The following PLXNA2 variants were observed in gnomAD, a reference collection of about 807,000 sequenced individuals.
The protein encoded by PLXNA2 is plexin-A2.
In PLXNA2, 91 loss-of-function variants were observed where a neutral mutation model predicts 193.5. That is an observed-to-expected ratio of 0.47 (90% confidence interval 0.40 to 0.56). The LOEUF is 0.56. Among genes scored for constraint, PLXNA2 ranks in the 20% least tolerant of loss-of-function variants. The pLI is 0.00. For missense variants in PLXNA2, 1,995 were observed against 2,503.2 expected, an observed-to-expected ratio of 0.80 and a Z score of 4.33; for synonymous variants, 997 against 1,027.3, an observed-to-expected ratio of 0.97 and a Z score of 0.56.
At position 208,240,356 on chromosome 1, in the gene PLXNA2, G is replaced by A. The variant is rs116525379; in HGVS notation, c.-81+3287C>T. Among the ~76,000 whole-genome samples, 537 of 152,322 alleles carry A rather than the reference G, an allele frequency of 3.5e-3. 2 individuals carry two copies. The highest frequency in any genetic ancestry group is 0.012 in the African/African-American group (512 of 41,562). On this transcript the variant is annotated intron_variant, in intron 1 of 31. Coordinates refer to ENST00000367033, the MANE Select transcript of PLXNA2 (RefSeq NM_025179.4). ...CCTCCCTCGTGCCTTGAGACCAGCTGTTTGACCCTGGGAAGAACTGCCTTT... is the reference window on the plus strand; with the variant it reads ...CCTCCCTCGTGCCTTGAGACCAGCTATTTGACCCTGGGAAGAACTGCCTTT...
At chr1:208,083,417 A>T (rs2102388755) in intron 10 of PLXNA2, among the ~76,000 whole-genome samples, 1 of 152,194 alleles carries the variant, frequency 6.6e-6, no homozygotes, top group East Asian at 1.9e-4. Flanking sequence ...TCTGAAGGGC[A>T]TGTCACTGTC....
chr1:208,099,020 T>G, intron 5 of PLXNA2, 51 bp from the exon 6 acceptor site: 1 of 1,601,390 alleles, frequency 6.2e-7, no homozygotes, highest in East Asian at 2.2e-5. Flanking sequence ...ACCCATCTGT[T>G]TGGCTCCATT....
At chr1:208,091,948 T>C (rs945902411) in intron 9 of PLXNA2, among the ~76,000 whole-genome samples, 4 of 151,902 alleles carry the variant, frequency 2.6e-5, no homozygotes, top group South Asian at 2.1e-4. Context: ...TTCTAAAATA[T>C]AGAGTAAGAA....
At chr1:208,181,810 C>G (rs1411466375) in intron 3 of PLXNA2, among the ~76,000 whole-genome samples, 1 of 152,170 alleles carries the variant, frequency 6.6e-6, no homozygotes, top group African/African-American at 2.4e-5. Context: ...GGAGGAGAAG[C>G]TGTAATTTTA....
At chr1:208,187,017 G>A (rs371457608) in intron 3 of PLXNA2, among the ~76,000 whole-genome samples, 13 of 152,278 alleles carry the variant, frequency 8.5e-5, no homozygotes, top group Admixed American at 7.8e-4. Flanking sequence ...CACCGCGCCC[G>A]GCCTGCAATG....
chr1:208,160,042 C>A (rs1669062598), intron 3 of PLXNA2, among the ~76,000 whole-genome samples: 1 of 152,180 alleles, frequency 6.6e-6, no homozygotes, highest in Middle Eastern at 3.2e-3. Context: ...CTGTAAGGCT[C>A]CTCTGGTCTC....
In PLXNA2 at chr1:208,044,967, G is replaced by T. The variant is rs1665007810; in HGVS notation, c.3639+100C>A. 3 of 1,382,672 alleles carry T rather than the reference G, an allele frequency of 2.2e-6. No individual in the cohort carries two copies. Among genetic ancestry groups the T allele is most frequent in the Admixed American group, 3.5e-5 (2 of 57,896 alleles). The allele number at this position is 1,382,672 out of a possible 1,614,324, so 85.7% of individuals were successfully genotyped here. ...CCAGAGATGAGGAGATATGGAGGGG[G>T]TGAGTCAGGCAACGAGACAGAAGAG... On this transcript the variant is annotated intron_variant, in intron 19 of 31. Coordinates refer to ENST00000367033, the MANE Select transcript of PLXNA2 (RefSeq NM_025179.4). This position sits in a 1 kb window ranked among gnomAD's most constrained non-coding sequence, Gnocchi z 4.9.
At chr1:208,237,542 C>A (rs1005006359) in intron 1 of PLXNA2, among the ~76,000 whole-genome samples, 1 of 152,136 alleles carries the variant, frequency 6.6e-6, no homozygotes, top group Non-Finnish European at 1.5e-5. Flanking sequence ...CCAGCGCTGT[C>A]CAGTTTAAAA....
At chr1:208,032,302 G>A (rs994021401) in intron 28 of PLXNA2, 1 of 189,776 alleles carries the variant, frequency 5.3e-6, no homozygotes, top group Non-Finnish European at 9.8e-6. Flanking sequence ...CTGATCCACA[G>A]GGCTTTGGAG....
At chr1:208,179,636 C>G (rs1415023526) in intron 3 of PLXNA2, among the ~76,000 whole-genome samples, 1 of 152,160 alleles carries the variant, frequency 6.6e-6, no homozygotes, top group Non-Finnish European at 1.5e-5. Flanking sequence ...AGATGAGGGC[C>G]CTGGAGGCTC....
chr1:208,030,440 C>T (rs987063370), intron 29 of PLXNA2: 4 of 985,504 alleles, frequency 4.1e-6, no homozygotes, highest in Non-Finnish European at 4.8e-6. Flanking sequence ...GCAAAGGGGA[C>T]AGGCATGTGC....
intron 5 of PLXNA2, 82 bp from the exon 6 acceptor site, chr1:208,099,051 G>A: frequency 6.5e-7 from 1 of 1,536,642 alleles, no homozygotes; most frequent in South Asian, 1.2e-5. Flanking sequence ...CAGGATGGGA[G>A]TTTGCTGCCC....
chr1:208,180,759 C>T (rs553169716), intron 3 of PLXNA2, among the ~76,000 whole-genome samples: 1 of 152,254 alleles, frequency 6.6e-6, no homozygotes, highest in East Asian at 1.9e-4. Context: ...AAGTTGTTGC[C>T]CCTCATGAGT....
chr1:208,216,389 T>C (rs1048777202), intron 2 of PLXNA2, among the ~76,000 whole-genome samples: 4 of 152,244 alleles, frequency 2.6e-5, no homozygotes, highest in Non-Finnish European at 5.9e-5. Context: ...ACATGTATTA[T>C]GTGTTCATTT....
At chr1:208,036,530 A>G (rs1664674916) in intron 26 of PLXNA2, among the ~76,000 whole-genome samples, 2 of 152,212 alleles carry the variant, frequency 1.3e-5, no homozygotes, top group South Asian at 4.1e-4. Flanking sequence ...GTTTGTGGTG[A>G]GAATTAAAGA....
intron 3 of PLXNA2, among the ~76,000 whole-genome samples, chr1:208,157,219 T>C (rs1439111964): frequency 6.6e-6 from 1 of 152,210 alleles, no homozygotes; most frequent in East Asian, 1.9e-4. Context: ...TCAGGCCAAA[T>C]CTCATGCTGG....
intron 10 of PLXNA2, among the ~76,000 whole-genome samples, 155 bp downstream of exon 10, chr1:208,084,225 G>A (rs1053521352): frequency 2.0e-5 from 3 of 152,236 alleles, no homozygotes; most frequent in Non-Finnish European, 4.4e-5. Flanking sequence ...CTGGCTGAGC[G>A]GCTGGGGTGC....
rs113881679 is a variant in PLXNA2 at position 208,082,734 on chromosome 1, G to T, written c.2299-226C>A. On this transcript the variant is annotated intron_variant, in intron 10 of 31. Transcript: ENST00000367033. This position sits in a 1 kb window ranked among gnomAD's most constrained non-coding sequence, Gnocchi z 4.2. ...CAGCTTTCTCCTCCACTGCTCTCCC[G>T]TGGAAAGCTTTGAATCTACCTTTCT... is the stretch of plus-strand genomic sequence containing the variant. 6.6e-6 allele frequency among the ~76,000 whole-genome samples: 1 copy of T among 152,112 alleles called. No individual in the cohort carries two copies. The highest frequency in any genetic ancestry group is 2.4e-5 in the African/African-American group (1 of 41,416).
chr1:208,208,870 A>T (rs1436266408), intron 3 of PLXNA2, among the ~76,000 whole-genome samples: 2 of 152,188 alleles, frequency 1.3e-5, no homozygotes, highest in South Asian at 2.1e-4. Context: ...GGCCAGGCAC[A>T]ATTTGCTCAA....
Sources: gnomAD v4.1 joint callset for allele counts (sites outside exome capture counted in the v4.1 genomes callset) on GRCh38, gnomAD v4.1.1 for gene constraint, Gnocchi (gnomAD v3.1) non-coding constraint, MANE v1.5 for transcripts, NCBI Gene and HGNC (gene_info 2026-07-23, HGNC 2026-07-21) for gene names.